Variants in SHC3 observed in about 807,000 individuals in gnomAD.
SHC3 encodes the protein SHC-transforming protein 3.
Under a neutral mutation model 60.4 loss-of-function variants are expected in SHC3, and 15 were observed. That is an observed-to-expected ratio of 0.25 (90% CI 0.17 to 0.38). The LOEUF (loss-of-function observed/expected upper bound fraction) is 0.38, where lower values mean the gene tolerates loss of function less well. Among genes scored for constraint, SHC3 ranks in the 10% least tolerant of loss-of-function variants. The pLI, the probability that SHC3 is intolerant of heterozygous loss-of-function variation, is 1.00. For missense variants in SHC3, 677 were observed against 786.1 expected (o/e 0.86, Z 1.66); for synonymous variants, 294 against 325.9 (o/e 0.90, Z 1.05).
chr9:89,111,809 A>T (rs1456059609), intron 2 of SHC3, among the ~76,000 whole-genome samples: 1 of 152,162 alleles, frequency 6.6e-6, no homozygotes, highest in East Asian at 1.9e-4. Flanking sequence ...TTCTGAGGTG[A>T]CTATTTAAAT....
At chr9:89,169,925 G>A (rs1826844430) in intron 1 of SHC3, among the ~76,000 whole-genome samples, 1 of 152,180 alleles carries the variant, frequency 6.6e-6, no homozygotes, top group African/African-American at 2.4e-5. Context: ...GACAGGCAGG[G>A]CTGCAAGCGG....
chr9:89,136,790 G>T (rs1247541922), intron 1 of SHC3, among the ~76,000 whole-genome samples: 1 of 152,032 alleles, frequency 6.6e-6, no homozygotes, highest in East Asian at 1.9e-4. Context: ...ATACTCTCTT[G>T]GGGTCTGGAT....
intron 6 of SHC3, among the ~76,000 whole-genome samples, chr9:89,057,335 T>C (rs1188689851): frequency 5.2e-5 from 6 of 115,246 alleles, no homozygotes; most frequent in African/African-American, 2.1e-4. Context: ...TTTTTTTTTT[T>C]AATCAGAGAA....
intron 7 of SHC3, among the ~76,000 whole-genome samples, chr9:89,051,799 C>T (rs1016960668): frequency 3.3e-5 from 5 of 152,210 alleles, no homozygotes; most frequent in African/African-American, 9.7e-5. Flanking sequence ...GTAACCTTGG[C>T]GACCGTCACT....
chr9:89,091,326 A>G (rs1472640731), intron 2 of SHC3, among the ~76,000 whole-genome samples: 2 of 152,254 alleles, frequency 1.3e-5, no homozygotes, highest in Admixed American at 1.3e-4. Flanking sequence ...CAAATGCATC[A>G]GCAGAAAACA....
rs1225808861 is a variant in SHC3, at chr9:89,077,799, T to C, written c.609+41A>G. On this transcript the variant is annotated intron_variant, in intron 3 of 11. Coordinates refer to ENST00000375835, the MANE Select transcript of SHC3 (RefSeq NM_016848.6). The stretch of plus-strand genomic sequence containing the variant: ...ATACCGAGTGGCAAAAAAGAGGAAG[T>C]AGAGGAGACACAGTTAGACACAGAG... 7 of 1,610,402 alleles carry C rather than the reference T, an allele frequency of 4.3e-6. No individual in the cohort carries two copies. In the Admixed American group the frequency reaches 1.2e-4, roughly 27 times the overall value.
At chr9:89,107,721 T>A (rs1432181110) in intron 2 of SHC3, among the ~76,000 whole-genome samples, 2 of 152,062 alleles carry the variant, frequency 1.3e-5, no homozygotes, top group African/African-American at 4.8e-5. Flanking sequence ...TGCACAGGGA[T>A]CAGGGTTGGG....
At chr9:89,085,289 C>T (rs75151158) in intron 2 of SHC3, among the ~76,000 whole-genome samples, 8,629 of 152,296 alleles carry the variant, frequency 0.057, 344 homozygotes, top group Admixed American at 0.1. Context: ...GACTGAACCA[C>T]GTAAACCTGG....
At chr9:89,067,928 C>A (rs1825209734) in intron 5 of SHC3, among the ~76,000 whole-genome samples, 1 of 152,076 alleles carries the variant, frequency 6.6e-6, no homozygotes. Flanking sequence ...AAATTAGAGT[C>A]AGCATTAGTA....
At chr9:89,109,569 C>A in intron 2 of SHC3, 1 of 985,484 alleles carries the variant, frequency 1.0e-6, no homozygotes, top group African/African-American at 1.7e-5. Context: ...TCCAAGTGAA[C>A]TCTTAGAAGA....
At chr9:89,136,361 A>G (rs1465111211) in intron 1 of SHC3, among the ~76,000 whole-genome samples, 1 of 152,220 alleles carries the variant, frequency 6.6e-6, no homozygotes, top group Non-Finnish European at 1.5e-5. Flanking sequence ...GGAGGTCAGC[A>G]CAAAATACAG....
At chr9:89,081,253 G>A (rs766314448) in intron 2 of SHC3, among the ~76,000 whole-genome samples, 5 of 152,154 alleles carry the variant, frequency 3.3e-5, no homozygotes, top group Middle Eastern at 3.2e-3. Context: ...GCCCAATAGA[G>A]GGCGGAGCAA....
Position 89,065,519 on chromosome 9 carries a change from C to G in SHC3, c.835+10G>C. Reference sequence around the variant, plus strand: ...CAAACAAGAGATTAAAGGGGTCAAGCACCGCTTACCTCTGCGATTAACAGG... The same window carrying G: ...CAAACAAGAGATTAAAGGGGTCAAGGACCGCTTACCTCTGCGATTAACAGG... On this transcript the variant is annotated intron_variant, in intron 6 of 11. Coordinates refer to ENST00000375835, the MANE Select transcript of SHC3 (RefSeq NM_016848.6). 1 of 1,613,972 alleles carries G rather than the reference C, an allele frequency of 6.2e-7. No individual in the cohort carries two copies. Among genetic ancestry groups the G allele is most frequent in the Non-Finnish European group, 8.5e-7 (1 of 1,179,934 alleles).
intron 1 of SHC3, among the ~76,000 whole-genome samples, chr9:89,123,047 A>C (rs1031030043): frequency 1.3e-5 from 2 of 152,160 alleles, no homozygotes; most frequent in Non-Finnish European, 2.9e-5. Flanking sequence ...CAATGCAGCC[A>C]ATCTGCCAGG....
At chr9:89,027,002 C>A (rs1392942502) in intron 11 of SHC3, among the ~76,000 whole-genome samples, 1 of 152,222 alleles carries the variant, frequency 6.6e-6, no homozygotes, top group African/African-American at 2.4e-5. Context: ...TCAGCAAAGT[C>A]TGTTCTTGAC....
chr9:89,120,109 A>G (rs1826072565), intron 1 of SHC3, among the ~76,000 whole-genome samples: 1 of 152,224 alleles, frequency 6.6e-6, no homozygotes, highest in African/African-American at 2.4e-5. Context: ...CCATACACAA[A>G]TATAAACGCT....
chr9:89,148,634 G>A (rs1826504085), intron 1 of SHC3, among the ~76,000 whole-genome samples: 3 of 152,184 alleles, frequency 2.0e-5, no homozygotes, highest in Admixed American at 2.0e-4. Context: ...GGTTATATAA[G>A]ATGAATGGAT....
chr9:89,086,214 AGGCTGAG>A (rs1460255521), intron 2 of SHC3, among the ~76,000 whole-genome samples: 1 of 152,154 alleles, frequency 6.6e-6, no homozygotes, highest in African/African-American at 2.4e-5. Flanking sequence ...TCAGATCCCC[AGGCTGAG>A]GGCTCAGTGT....
chr9:89,096,744 T>C (rs984181765), intron 2 of SHC3, among the ~76,000 whole-genome samples: 3 of 152,154 alleles, frequency 2.0e-5, no homozygotes, highest in African/African-American at 7.2e-5. Context: ...GTTGTTACAA[T>C]GTTAGGGGGA....
Sources: gnomAD v4.1 joint callset for allele counts (sites outside exome capture counted in the v4.1 genomes callset) on GRCh38, gnomAD v4.1.1 for gene constraint, MANE v1.5 for transcripts, NCBI Gene and HGNC (gene_info 2026-07-23, HGNC 2026-07-21) for gene names.